The following TAFA2 variants were observed in gnomAD, a reference collection of about 807,000 sequenced individuals.
TAFA2 encodes chemokine-like protein TAFA-2.
Under a neutral mutation model 18.8 loss-of-function variants are expected in TAFA2, and 7 were observed. The ratio of observed to expected loss-of-function variants is 0.37; its 90% CI spans 0.21 to 0.70. The LOEUF (loss-of-function observed/expected upper bound fraction) is 0.70, where lower values mean the gene tolerates loss of function less well. TAFA2 is among the 30% of genes least tolerant of loss of function. TAFA2 has a pLI of 0.53. For missense variants in TAFA2, 122 were observed against 158.1 expected, an observed-to-expected ratio of 0.77 and a Z score of 1.23; for synonymous variants, 60 against 54.2, an observed-to-expected ratio of 1.11 and a Z score of -0.47.
chr12:61,810,280 T>A (rs1871810297), intron 2 of TAFA2, among the ~76,000 whole-genome samples: 1 of 151,022 alleles, frequency 6.6e-6, no homozygotes, highest in African/African-American at 2.5e-5. Flanking sequence ...CTTTCTCTAA[T>A]GGGGGAAAAT....
At chr12:61,893,554 G>C (rs1423458131) in intron 1 of TAFA2, among the ~76,000 whole-genome samples, 1 of 152,144 alleles carries the variant, frequency 6.6e-6, no homozygotes, top group Non-Finnish European at 1.5e-5. Flanking sequence ...GCTCATGAGA[G>C]GGAATAAGAT....
chr12:62,041,201 A>G (rs1344798511), intron 1 of TAFA2, among the ~76,000 whole-genome samples: 1 of 152,190 alleles, frequency 6.6e-6, no homozygotes, highest in African/African-American at 2.4e-5. Flanking sequence ...AATATCTACA[A>G]TCTTCTGAGG....
chr12:62,057,089 C>T (rs920011160), intron 1 of TAFA2, among the ~76,000 whole-genome samples: 15 of 152,124 alleles, frequency 9.9e-5, no homozygotes, highest in Admixed American at 5.2e-4. Context: ...GATGAACTTA[C>T]CCATAATACC....
intron 1 of TAFA2, among the ~76,000 whole-genome samples, chr12:62,215,769 A>G (rs2062732966): frequency 9.6e-6 from 1 of 104,556 alleles, no homozygotes; most frequent in Non-Finnish European, 2.1e-5. Flanking sequence ...AAAAAGAGAT[A>G]TGACACTTGC....
intron 1 of TAFA2, among the ~76,000 whole-genome samples, chr12:62,102,343 G>A (rs1000852870): frequency 1.3e-5 from 2 of 152,130 alleles, no homozygotes; most frequent in Non-Finnish European, 2.9e-5. Context: ...AGTTCATGTT[G>A]TGAAAACATG....
chr12:61,970,848 A>G (rs1212466354), intron 1 of TAFA2, among the ~76,000 whole-genome samples: 1 of 151,554 alleles, frequency 6.6e-6, no homozygotes, highest in Non-Finnish European at 1.5e-5. Flanking sequence ...AGAAATGAAA[A>G]AAAAAAAATA....
At chr12:62,170,012 C>G (rs1410639443) in intron 1 of TAFA2, among the ~76,000 whole-genome samples, 2 of 151,802 alleles carry the variant, frequency 1.3e-5, no homozygotes, top group Admixed American at 6.6e-5. Flanking sequence ...ATCGAAAAAC[C>G]AAGTTAAGAT....
At chr12:61,858,387 C>T (rs967151801) in intron 2 of TAFA2, among the ~76,000 whole-genome samples, 3 of 152,030 alleles carry the variant, frequency 2.0e-5, no homozygotes, top group Non-Finnish European at 4.4e-5. Context: ...ACCCAAAATT[C>T]TCATTTGTAC....
chr12:62,030,370 G>T (rs1262985233), intron 1 of TAFA2, among the ~76,000 whole-genome samples: 1 of 152,114 alleles, frequency 6.6e-6, no homozygotes, highest in Non-Finnish European at 1.5e-5. Context: ...TTGAGATAAT[G>T]TTAATATGGG....
At position 61,891,650 on chromosome 12, in the gene TAFA2, A is replaced by AAAAAG. The variant is rs1179983567; in HGVS notation, c.-1-24229_-1-24225dup. 4.6e-5 allele frequency among the ~76,000 whole-genome samples: 7 copies of AAAAAG among 152,304 alleles called. No individual in the cohort carries two copies. In the South Asian group the frequency reaches 1.5e-3, roughly 32 times the overall value. On this transcript the variant is annotated intron_variant, in intron 1 of 4. Coordinates refer to ENST00000416284, the MANE Select transcript of TAFA2 (RefSeq NM_178539.5). ...GCAACAAGAGCAAAAACTCTGTCAA[A>AAAAAG]AAAAGAAAAGAAAAGAAAAAAGAAG...
chr12:62,073,532 GAGGTAGGTGTTAT>G lies in TAFA2; in HGVS notation c.-2+117714_-2+117726del, dbSNP rs57248556. On this transcript the variant is annotated intron_variant, in intron 1 of 4. Coordinates refer to ENST00000416284, the MANE Select transcript of TAFA2 (RefSeq NM_178539.5). The stretch of plus-strand genomic sequence containing the variant: ...ATATTATAGATAAGAAAACACCTTT[GAGGTAGGTGTTAT>G]AGGTAGGTGTTATTATCTTATCTAT... 2.3e-3 allele frequency among the ~76,000 whole-genome samples: 353 copies of G among 151,098 alleles called. 2 individuals carry two copies. Among genetic ancestry groups the G allele is most frequent in the African/African-American group, 8.5e-3 (347 of 41,038 alleles).
intron 2 of TAFA2, among the ~76,000 whole-genome samples, chr12:61,812,008 G>A (rs1217161669): frequency 6.6e-6 from 1 of 151,152 alleles, no homozygotes; most frequent in Non-Finnish European, 1.5e-5. Flanking sequence ...CCCCTATGTG[G>A]TATATTGTAA....
At chr12:61,820,699 A>T (rs1019673531) in intron 2 of TAFA2, among the ~76,000 whole-genome samples, 3 of 152,056 alleles carry the variant, frequency 2.0e-5, no homozygotes, top group African/African-American at 7.2e-5. Flanking sequence ...GAAAAAACAA[A>T]GTGAAAAGAA....
At chr12:61,728,565 T>C (rs924939545) in intron 4 of TAFA2, among the ~76,000 whole-genome samples, 2 of 151,984 alleles carry the variant, frequency 1.3e-5, no homozygotes, top group Admixed American at 6.6e-5. Context: ...GCTTTTGGTG[T>C]CCATTTGCCT....
chr12:61,870,126 A>G (rs1406407696), intron 1 of TAFA2, among the ~76,000 whole-genome samples: 1 of 152,230 alleles, frequency 6.6e-6, no homozygotes, highest in African/African-American at 2.4e-5. Context: ...AGAAAGGAGA[A>G]TGCAGGTCAA....
intron 2 of TAFA2, among the ~76,000 whole-genome samples, chr12:61,793,323 TC>T (rs1228051927): frequency 6.6e-6 from 1 of 151,346 alleles, no homozygotes. Flanking sequence ...AAAATATGAT[TC>T]TTTGAAAAAT....
At chr12:62,154,688 A>G (rs1592370439) in intron 1 of TAFA2, among the ~76,000 whole-genome samples, 1 of 152,092 alleles carries the variant, frequency 6.6e-6, no homozygotes, top group East Asian at 1.9e-4. Context: ...CATGAAAAAG[A>G]CCTTTAAATA....
intron 1 of TAFA2, among the ~76,000 whole-genome samples, chr12:62,066,333 C>T (rs2136795875): frequency 6.6e-6 from 1 of 151,714 alleles, no homozygotes; most frequent in South Asian, 2.1e-4. Context: ...TTTAAGTGTC[C>T]AATTAAATTA....
chr12:62,126,726 A>G (rs9738227), intron 1 of TAFA2, among the ~76,000 whole-genome samples: 20,126 of 152,118 alleles, frequency 0.13, 1,505 homozygotes, highest in Middle Eastern at 0.18. Flanking sequence ...TGAGATGAGA[A>G]GAGGGAAGAG....
Sources: gnomAD v4.1 joint callset for allele counts (sites outside exome capture counted in the v4.1 genomes callset) on GRCh38, gnomAD v4.1.1 for gene constraint, MANE v1.5 for transcripts, NCBI Gene and HGNC (gene_info 2026-07-23, HGNC 2026-07-21) for gene names.